The following PRKCE variants were observed in gnomAD, a reference collection of about 807,000 sequenced individuals.
PRKCE encodes the protein protein kinase C epsilon type.
Under a neutral mutation model 85.4 loss-of-function variants are expected in PRKCE, and 16 were observed. That is an observed-to-expected ratio of 0.19 (90% CI 0.13 to 0.28). The LOEUF (loss-of-function observed/expected upper bound fraction) is 0.28, where lower values mean the gene tolerates loss of function less well. Ranked by LOEUF, PRKCE falls within the 10% of genes least tolerant of loss-of-function variation. The pLI is 1.00. For synonymous variants in PRKCE, 388 were observed against 371.5 expected (o/e 1.04, Z -0.51); for missense variants, 573 against 975.2 (o/e 0.59, Z 5.49).
intron 11 of PRKCE, among the ~76,000 whole-genome samples, chr2:46,092,676 C>G (rs566284694): frequency 9.2e-5 from 14 of 152,300 alleles, no homozygotes; most frequent in African/African-American, 3.4e-4. Flanking sequence ...TTAGGAGGGG[C>G]TTTCCTAGAA....
intron 1 of PRKCE, among the ~76,000 whole-genome samples, chr2:45,766,963 C>A (rs1475426612): frequency 2.6e-5 from 4 of 151,988 alleles, no homozygotes; most frequent in African/African-American, 9.7e-5. Flanking sequence ...ATCGCTTGAA[C>A]CTGGGAGGTG....
chr2:46,070,706 A>G (rs933841976), intron 10 of PRKCE, among the ~76,000 whole-genome samples: 4 of 152,020 alleles, frequency 2.6e-5, no homozygotes, highest in Non-Finnish European at 5.9e-5. Flanking sequence ...AATGATGGTG[A>G]GGGTGACTCC....
At chr2:46,069,408 AAGTATAT>A (rs1387869500) in intron 10 of PRKCE, among the ~76,000 whole-genome samples, 1 of 152,184 alleles carries the variant, frequency 6.6e-6, no homozygotes, top group Non-Finnish European at 1.5e-5. Context: ...GGATTTTTTA[AAGTATAT>A]ACTTTGCAAA....
intron 11 of PRKCE, among the ~76,000 whole-genome samples, chr2:46,132,213 C>T (rs1207868011): frequency 2.0e-5 from 3 of 152,150 alleles, no homozygotes; most frequent in Non-Finnish European, 4.4e-5. Context: ...CAAGTCCCAA[C>T]CATCAAGCGT....
intron 2 of PRKCE, among the ~76,000 whole-genome samples, chr2:45,865,347 T>A (rs925246174): frequency 2.6e-5 from 4 of 152,094 alleles, no homozygotes; most frequent in Non-Finnish European, 4.4e-5. Context: ...AGATGATAAA[T>A]CAGAATCTCA....
At chr2:45,980,422 C>T (rs904387070) in intron 5 of PRKCE, 41 bp downstream of exon 5, 1 of 1,560,912 alleles carries the variant, frequency 6.4e-7, no homozygotes, top group Non-Finnish European at 8.7e-7. Flanking sequence ...TTCTTCACCG[C>T]CAGCCCCTCC....
At chr2:45,916,390 C>T (rs1697781114) in intron 2 of PRKCE, among the ~76,000 whole-genome samples, 1 of 151,786 alleles carries the variant, frequency 6.6e-6, no homozygotes, top group East Asian at 1.9e-4. Context: ...GAGGTGTGCA[C>T]CACCACACCT....
chr2:45,706,417 A>C (rs141633167), intron 1 of PRKCE, among the ~76,000 whole-genome samples: 339 of 152,180 alleles, frequency 2.2e-3, no homozygotes, highest in African/African-American at 7.6e-3. Flanking sequence ...TTTTCTCTGA[A>C]TCCTCCCTGC....
intron 10 of PRKCE, among the ~76,000 whole-genome samples, chr2:46,031,994 G>GT (rs1286738278): frequency 6.6e-6 from 1 of 152,160 alleles, no homozygotes; most frequent in Non-Finnish European, 1.5e-5. Flanking sequence ...CATTTATTTG[G>GT]TTTTTTAAAC....
chr2:46,152,482 T>C (rs1676741724), intron 13 of PRKCE, among the ~76,000 whole-genome samples: 1 of 152,032 alleles, frequency 6.6e-6, no homozygotes, highest in Admixed American at 6.6e-5. Context: ...GCGCCCAGCC[T>C]GTATTTTACA....
At chr2:45,781,970 G>T (rs1372622996) in intron 1 of PRKCE, among the ~76,000 whole-genome samples, 1 of 152,074 alleles carries the variant, frequency 6.6e-6, no homozygotes, top group African/African-American at 2.4e-5. Context: ...TCCTTTCTCA[G>T]GACCAATAGA....
intron 2 of PRKCE, among the ~76,000 whole-genome samples, chr2:45,872,562 C>A (rs538159171): frequency 1.3e-5 from 2 of 152,126 alleles, no homozygotes; most frequent in African/African-American, 2.4e-5. Context: ...CTGCCATGAT[C>A]CAGGCCAGTG....
chr2:45,793,918 C>A (rs763904874), intron 1 of PRKCE, among the ~76,000 whole-genome samples: 1 of 151,834 alleles, frequency 6.6e-6, no homozygotes, highest in Non-Finnish European at 1.5e-5. Context: ...TTGCTTGGTT[C>A]GGATTGGTTC....
At chr2:45,727,821 A>G (rs1445658170) in intron 1 of PRKCE, among the ~76,000 whole-genome samples, 1 of 151,906 alleles carries the variant, frequency 6.6e-6, no homozygotes. Context: ...CACCCAGCTA[A>G]TTTTTGTATT....
chr2:45,967,533 A>T (rs1221483359), intron 2 of PRKCE, among the ~76,000 whole-genome samples: 2 of 152,150 alleles, frequency 1.3e-5, no homozygotes, highest in African/African-American at 4.8e-5. Context: ...TTGGGCCTTT[A>T]TCAACCATTA....
At chr2:45,972,276 A>G (rs1400478299) in intron 2 of PRKCE, among the ~76,000 whole-genome samples, 2 of 152,192 alleles carry the variant, frequency 1.3e-5, no homozygotes, top group Non-Finnish European at 1.5e-5. Context: ...TTTAGAGAAA[A>G]GTCTACTCGG....
chr2:45,796,644 T>TG (rs966771700), intron 1 of PRKCE, among the ~76,000 whole-genome samples: 2 of 152,122 alleles, frequency 1.3e-5, no homozygotes, highest in African/African-American at 2.4e-5. Context: ...ACTGGGTACC[T>TG]GGGGGGATGA....
At chr2:45,792,867 C>T (rs762499036) in intron 1 of PRKCE, among the ~76,000 whole-genome samples, 27 of 152,202 alleles carry the variant, frequency 1.8e-4, no homozygotes, top group Non-Finnish European at 3.2e-4. Flanking sequence ...GGCACGATCT[C>T]GGCTCACTGC....
At chr2:45,716,722 GGAAGGAAGGAAAGTAGGAAGGA>G (rs1680156652) in intron 1 of PRKCE, among the ~76,000 whole-genome samples, 1 of 52,944 alleles carries the variant, frequency 1.9e-5, no homozygotes, top group Non-Finnish European at 4.1e-5. Context: ...AAGGAAGGAA[GGAAGGAAGGAAAGTAGGAAGGA>G]ACTTCCCGAG....
Sources: allele counts gnomAD v4.1 joint callset (sites outside exome capture counted in the v4.1 genomes callset), GRCh38; gene constraint gnomAD v4.1.1; transcripts MANE v1.5; gene names NCBI Gene and HGNC (gene_info 2026-07-23, HGNC 2026-07-21).